The following ANKRD30B variants were observed in gnomAD, a reference collection of about 807,000 sequenced individuals.
ANKRD30B encodes ankyrin repeat domain-containing protein 30B.
A neutral mutation model predicts 202.2 loss-of-function variants in ANKRD30B; 144 were observed. The observed-to-expected ratio is 0.71, with a 90% CI of 0.62 to 0.82. The LOEUF (loss-of-function observed/expected upper bound fraction) is 0.82. ANKRD30B is among the 40% of genes least tolerant of loss of function. ANKRD30B has a pLI of 0.00. For missense variants in ANKRD30B, 1,487 were observed against 1,669.1 expected, an observed-to-expected ratio of 0.89 and a Z score of 1.90; for synonymous variants, 508 against 561.3, an observed-to-expected ratio of 0.91 and a Z score of 1.34.
intron 30 of ANKRD30B, among the ~76,000 whole-genome samples, chr18:14,821,519 A>G (rs1970421586): frequency 6.6e-6 from 1 of 152,100 alleles, no homozygotes; most frequent in Non-Finnish European, 1.5e-5. Flanking sequence ...GCGCAGTGGC[A>G]CGATCTTGAC....
intron 18 of ANKRD30B, among the ~76,000 whole-genome samples, chr18:14,797,271 A>G (rs1968969412): frequency 6.6e-6 from 1 of 152,108 alleles, no homozygotes; most frequent in Non-Finnish European, 1.5e-5. Context: ...AGAGCTATGA[A>G]CATATGCCTT....
intron 37 of ANKRD30B, among the ~76,000 whole-genome samples, chr18:14,841,168 GGA>G (rs1036908147): frequency 6.6e-6 from 1 of 152,182 alleles, no homozygotes; most frequent in African/African-American, 2.4e-5. Flanking sequence ...ACCTGACCAT[GGA>G]GAGTTGTGTT....
chr18:14,902,779 A>G, the ANKRD30B span, among the ~76,000 whole-genome samples: 3 of 152,132 alleles, frequency 2.0e-5, no homozygotes, highest in African/African-American at 4.8e-5. Flanking sequence ...TAGGCCCCCT[A>G]CTAGGTACCT....
intron 6 of ANKRD30B, among the ~76,000 whole-genome samples, chr18:14,763,260 T>A (rs1393046801): frequency 6.6e-6 from 1 of 152,182 alleles, no homozygotes; most frequent in Non-Finnish European, 1.5e-5. Flanking sequence ...TTAAAATGTT[T>A]GGTAGTGTCC....
intron 34 of ANKRD30B, among the ~76,000 whole-genome samples, chr18:14,836,401 T>C (rs1971174005): frequency 6.6e-6 from 1 of 152,122 alleles, no homozygotes. Flanking sequence ...CCCTACATCC[T>C]GCACTTCAAC....
rs1465263316 is a variant in ANKRD30B at position 14,799,138 on chromosome 18, T to C, written c.2058+9T>C. ...ATGATGGTCTTCTGAAGGTAATAAC[T>C]TTTATATTTTTATCTTGAATATTAC... On this transcript the variant is annotated intron_variant, in intron 21 of 43. Transcript: ENST00000690538. The C allele has an allele frequency of 4.4e-6, 7 of 1,582,040 alleles. No homozygotes were observed. Among genetic ancestry groups the C allele is most frequent in the Non-Finnish European group, 5.2e-6 (6 of 1,154,108 alleles).
At chr18:14,758,984 C>T (rs1452973384) in intron 5 of ANKRD30B, among the ~76,000 whole-genome samples, 1 of 152,066 alleles carries the variant, frequency 6.6e-6, no homozygotes, top group African/African-American at 2.4e-5. Flanking sequence ...TGTGGTTGTT[C>T]CCTCAAGTGA....
intron 6 of ANKRD30B, 141 bp downstream of exon 6, chr18:14,760,759 T>G: frequency 1.8e-6 from 1 of 552,454 alleles, no homozygotes; most frequent in Non-Finnish European, 3.2e-6. Context: ...TGTGTGTGTA[T>G]ATATATGTAT....
intron 30 of ANKRD30B, among the ~76,000 whole-genome samples, chr18:14,821,349 G>T (rs1598675423): frequency 6.6e-6 from 1 of 151,874 alleles, no homozygotes; most frequent in African/African-American, 2.4e-5. Flanking sequence ...ACGGTTTTTT[G>T]TGTCTCTATT....
chr18:14,885,234 CT>C, the ANKRD30B span, among the ~76,000 whole-genome samples: 1 of 151,928 alleles, frequency 6.6e-6, no homozygotes, highest in Non-Finnish European at 1.5e-5. Context: ...TTTCTTTAGC[CT>C]TGTGTTATTT....
intron 14 of ANKRD30B, 41 bp downstream of exon 14, chr18:14,784,576 A>G (rs1967957103): frequency 1.3e-6 from 2 of 1,562,260 alleles, no homozygotes; most frequent in African/African-American, 1.4e-5. Context: ...GAATAGTTCA[A>G]TATTGGACAT....
the ANKRD30B span, among the ~76,000 whole-genome samples, chr18:14,908,805 G>A: frequency 2.0e-5 from 3 of 152,196 alleles, no homozygotes; most frequent in African/African-American, 7.2e-5. Flanking sequence ...GCAGCTTCCA[G>A]GGCTCCTGAG....
intron 16 of ANKRD30B, among the ~76,000 whole-genome samples, chr18:14,795,637 C>T (rs1235217759): frequency 6.6e-6 from 1 of 152,094 alleles, no homozygotes; most frequent in Non-Finnish European, 1.5e-5. Flanking sequence ...TATTTATAAA[C>T]TTTTATTCTA....
intron 37 of ANKRD30B, among the ~76,000 whole-genome samples, chr18:14,842,047 T>C (rs1971440231): frequency 6.6e-6 from 1 of 152,180 alleles, no homozygotes; most frequent in Non-Finnish European, 1.5e-5. Flanking sequence ...CAAAGCCAAC[T>C]AATTTTTAGA....
rs1970995911 is a variant in ANKRD30B at position 14,832,479 on chromosome 18, CAGA to C, written c.2847+1028_2847+1030del. Among the ~76,000 whole-genome samples, 4 of 152,150 alleles carry C rather than the reference CAGA, an allele frequency of 2.6e-5. No individual in the cohort carries two copies. In the South Asian group the frequency reaches 8.3e-4, roughly 32 times the overall value. On this transcript the variant is annotated intron_variant, in intron 34 of 43. Coordinates refer to ENST00000690538, the MANE Select transcript of ANKRD30B (RefSeq NM_001367607.2). ...GATCACATTTGAAAATTTTAAATTTCAGAAGATTTTGTATTTAGTTATTTAAAT... is the reference window on the plus strand; with the variant it reads ...GATCACATTTGAAAATTTTAAATTTCAGATTTTGTATTTAGTTATTTAAAT...
At chr18:14,758,694 A>G (rs967604139) in intron 5 of ANKRD30B, among the ~76,000 whole-genome samples, 5 of 152,188 alleles carry the variant, frequency 3.3e-5, no homozygotes, top group Admixed American at 2.6e-4. Context: ...TGTGAAACCC[A>G]CATCTTAGCC....
At chr18:14,751,509 C>T (rs1455326200) in intron 1 of ANKRD30B, among the ~76,000 whole-genome samples, 1 of 149,850 alleles carries the variant, frequency 6.7e-6, no homozygotes, top group Non-Finnish European at 1.5e-5. Flanking sequence ...AAAAACACTT[C>T]TGAAGTGAGA....
intron 16 of ANKRD30B, among the ~76,000 whole-genome samples, chr18:14,794,964 G>C (rs911764606): frequency 4.1e-4 from 63 of 152,300 alleles, no homozygotes; most frequent in African/African-American, 1.4e-3. Flanking sequence ...AGAAATGTCT[G>C]TTTTTTCTTG....
At chr18:14,764,817 T>A (rs546030615) in intron 7 of ANKRD30B, among the ~76,000 whole-genome samples, 2 of 152,316 alleles carry the variant, frequency 1.3e-5, no homozygotes, top group South Asian at 2.1e-4. Flanking sequence ...CTTGGAAGCT[T>A]GCAATAATCT....
Sources: gnomAD v4.1 joint callset for allele counts (sites outside exome capture counted in the v4.1 genomes callset) on GRCh38, gnomAD v4.1.1 for gene constraint, MANE v1.5 for transcripts, NCBI Gene and HGNC (gene_info 2026-07-23, HGNC 2026-07-21) for gene names.